Variants in SHOC2 observed in about 807,000 individuals in gnomAD.
SHOC2 encodes leucine-rich repeat protein SHOC-2.
SHOC2 carries 4 observed loss-of-function variants against 50.2 expected under a neutral mutation model. The ratio of observed to expected loss-of-function variants is 0.08; its 90% CI spans 0.04 to 0.18. The LOEUF (loss-of-function observed/expected upper bound fraction) is 0.18, where lower values mean the gene tolerates loss of function less well. Among genes scored for constraint, SHOC2 ranks in the 10% least tolerant of loss-of-function variants. The pLI is 1.00. For synonymous variants in SHOC2, 218 were observed against 244.5 expected (o/e 0.89, Z 1.01); for missense variants, 388 against 669.6 (o/e 0.58, Z 4.64).
chr10:110,998,442 G>A (rs1848309125), intron 3 of SHOC2, among the ~76,000 whole-genome samples: 1 of 152,026 alleles, frequency 6.6e-6, no homozygotes, highest in South Asian at 2.1e-4. Context: ...AGACACTGAT[G>A]AAGTCACTAA....
Position 110,973,008 on chromosome 10 carries a change from C to T in SHOC2, c.703+7947C>T, listed in dbSNP as rs564894024. ...AAATCAGAGGAGCATTGTCACTTGT[C>T]CATGTCCCTTAGTTGCAGAAAACTT... On this transcript the variant is annotated intron_variant, in intron 2 of 8. Coordinates refer to ENST00000369452, the MANE Select transcript of SHOC2 (RefSeq NM_007373.4). 9.5e-3 allele frequency among the ~76,000 whole-genome samples: 1,450 copies of T among 152,232 alleles called. 10 individuals carry two copies. The highest frequency in any genetic ancestry group is 0.012 in the Non-Finnish European group (816 of 67,998).
intron 1 of SHOC2, chr10:110,936,551 T>C: frequency 1.5e-6 from 1 of 652,664 alleles, no homozygotes; most frequent in Non-Finnish European, 2.7e-6. Flanking sequence ...TTAGTCTGCA[T>C]CAGCTTTTCT....
At chr10:111,006,439 C>T (rs940437083) in intron 5 of SHOC2, among the ~76,000 whole-genome samples, 28 of 151,922 alleles carry the variant, frequency 1.8e-4, no homozygotes, top group Middle Eastern at 3.2e-3. Flanking sequence ...GGCGGGATCT[C>T]GGCTCACTGC....
intron 2 of SHOC2, among the ~76,000 whole-genome samples, chr10:110,968,614 C>G (rs569170388): frequency 6.6e-6 from 1 of 151,622 alleles, no homozygotes; most frequent in African/African-American, 2.4e-5. Context: ...ATCATGCCAT[C>G]CAGTTTTTAT....
intron 3 of SHOC2, among the ~76,000 whole-genome samples, chr10:110,994,375 T>C (rs1207735642): frequency 4.6e-5 from 7 of 152,342 alleles, no homozygotes; most frequent in Admixed American, 3.9e-4. Flanking sequence ...AAAAATGATA[T>C]AGCCTTTTGT....
chr10:110,980,134 C>T (rs1031652226), intron 2 of SHOC2, among the ~76,000 whole-genome samples: 3 of 149,968 alleles, frequency 2.0e-5, no homozygotes, highest in Admixed American at 6.6e-5. Flanking sequence ...GTCTGAAAAG[C>T]GTTGTTCTAC....
intron 8 of SHOC2, among the ~76,000 whole-genome samples, chr10:111,011,045 A>C (rs1303292384): frequency 6.6e-6 from 1 of 152,224 alleles, no homozygotes; most frequent in Non-Finnish European, 1.5e-5. Flanking sequence ...AGAGAATACA[A>C]GTATCCTAAG....
intron 3 of SHOC2, chr10:110,988,904 G>C (rs1848130370): frequency 2.1e-6 from 1 of 469,540 alleles, no homozygotes; most frequent in South Asian, 1.5e-5. Flanking sequence ...TTACCCTTTT[G>C]TTTCTTCTGT....
chr10:110,985,877 C>T, intron 3 of SHOC2, 112 bp downstream of exon 3: 1 of 885,168 alleles, frequency 1.1e-6, no homozygotes, highest in East Asian at 2.5e-5. Context: ...TCACAATTAC[C>T]AAAGTTGTAA....
chr10:110,982,363 A>G (rs1232376232), intron 2 of SHOC2, among the ~76,000 whole-genome samples: 2 of 151,592 alleles, frequency 1.3e-5, no homozygotes, highest in Non-Finnish European at 3.0e-5. Flanking sequence ...TCCTTTGGGT[A>G]TATACCCAGT....
At chr10:110,965,782 A>G (rs1847662889) in intron 2 of SHOC2, among the ~76,000 whole-genome samples, 2 of 152,184 alleles carry the variant, frequency 1.3e-5, no homozygotes, top group East Asian at 1.9e-4. Context: ...ACGCGTGAAC[A>G]TGTCAGTAAA....
At chr10:110,923,946 G>C (rs1385956277) in intron 1 of SHOC2, among the ~76,000 whole-genome samples, 1 of 151,968 alleles carries the variant, frequency 6.6e-6, no homozygotes, top group Non-Finnish European at 1.5e-5. Flanking sequence ...CTAATGTCTT[G>C]GAGGTAAAGT....
chr10:110,919,860 C>T, intron 1 of SHOC2: 2 of 368,248 alleles, frequency 5.4e-6, no homozygotes, highest in Non-Finnish European at 9.7e-6. Flanking sequence ...GTTGCTGTCT[C>T]CGGGAGTGCG....
intron 3 of SHOC2, among the ~76,000 whole-genome samples, chr10:110,994,859 G>A (rs1848243137): frequency 6.6e-6 from 1 of 152,168 alleles, no homozygotes; most frequent in Non-Finnish European, 1.5e-5. Flanking sequence ...GGAATTGTTA[G>A]TAGTTCCTTC....
At chr10:110,982,120 C>T (rs1367502380) in intron 2 of SHOC2, among the ~76,000 whole-genome samples, 1 of 146,982 alleles carries the variant, frequency 6.8e-6, no homozygotes. Flanking sequence ...GTTTTTTGTT[C>T]TTGAGATAGT....
At chr10:110,923,802 A>G (rs1480455713) in intron 1 of SHOC2, among the ~76,000 whole-genome samples, 4 of 152,214 alleles carry the variant, frequency 2.6e-5, no homozygotes, top group South Asian at 2.1e-4. Flanking sequence ...GTGCATGACT[A>G]TCTTTTGTTG....
At chr10:110,923,554 A>G (rs972980894) in intron 1 of SHOC2, among the ~76,000 whole-genome samples, 3 of 152,148 alleles carry the variant, frequency 2.0e-5, no homozygotes, top group Admixed American at 2.0e-4. Context: ...GAAAGCATGC[A>G]GTTCCCATTA....
intron 2 of SHOC2, among the ~76,000 whole-genome samples, chr10:110,969,222 T>G (rs545399803): frequency 6.6e-6 from 1 of 152,342 alleles, no homozygotes; most frequent in Admixed American, 6.5e-5. Flanking sequence ...TGCTTTCTTT[T>G]ATAGATCAGT....
At chr10:110,921,968 CTT>C (rs879927479) in intron 1 of SHOC2, among the ~76,000 whole-genome samples, 1 of 148,274 alleles carries the variant, frequency 6.7e-6, no homozygotes, top group East Asian at 2.0e-4. Flanking sequence ...GCAGCTAGAT[CTT>C]TTTTTTTTAG....
Sources: allele counts gnomAD v4.1 joint callset (sites outside exome capture counted in the v4.1 genomes callset), GRCh38; gene constraint gnomAD v4.1.1; transcripts MANE v1.5; gene names NCBI Gene and HGNC (gene_info 2026-07-23, HGNC 2026-07-21).